Variants in TTC21A observed in about 807,000 individuals in gnomAD.
TTC21A encodes tetratricopeptide repeat domain 21A.
In TTC21A, 128 loss-of-function variants were observed where a neutral mutation model predicts 156.4. The ratio of observed to expected loss-of-function variants is 0.82; its 90% CI spans 0.71 to 0.95. The LOEUF is 0.95. Among genes scored for constraint, TTC21A ranks in the 40% least tolerant of loss-of-function variants. TTC21A has a pLI of 0.00. For missense variants in TTC21A, 1,435 were observed against 1,602.3 expected (o/e 0.90, Z 1.78); for synonymous variants, 587 against 617.1 (o/e 0.95, Z 0.72).
rs777495928 is a variant in TTC21A, at chr3:39,136,368, G to A, written c.2956G>A (p.Val986Ile). ...VLEKAPDNFL[V>I]LHKLIDLLRR... ...GTCTCTTATTTTAGACAATTTTTTGGTATTGCATAAATTAATCGATCTGCT... is the reference window on the plus strand; with the variant it reads ...GTCTCTTATTTTAGACAATTTTTTGATATTGCATAAATTAATCGATCTGCT... The change falls in exon 23 of 29, where the codon GTA (valine) becomes ATA (isoleucine). Residue 986 changes from valine (V) to isoleucine (I), a missense_variant. Val to Ile is a conservative substitution (Grantham distance 29). Transcript: ENST00000683103. 2.0e-5 allele frequency: 33 copies of A among 1,611,486 alleles called. No individual in the cohort carries two copies. The highest frequency in any genetic ancestry group is 6.7e-5 in the East Asian group (3 of 44,858).
Position 39,128,488 on chromosome 3 carries a change from G to A in TTC21A, c.1680G>A (p.Gln560=), listed in dbSNP as rs2038447715. ...CLELGVSHNF[Q]VRDHPLYHLI... is the part of the protein sequence containing the mutation. The stretch of plus-strand genomic sequence containing the variant: ...AGCTGGGTGTCAGCCACAACTTCCA[G>A]GTGGGTGCCCTCTCATCCTCTCAGC... The change falls in exon 13 of 29, where the codon CAG becomes CAA. Residue 560 remains glutamine, a splice_region_variant and synonymous_variant. Transcript: ENST00000683103. 6.2e-7 allele frequency: 1 copy of A among 1,613,976 alleles called. No homozygotes were observed. The highest frequency in any genetic ancestry group is 1.1e-5 in the South Asian group (1 of 91,084).
Position 39,109,186 on chromosome 3 carries a change from C to T in TTC21A, c.129C>T (p.Phe43=). ...TCAGCAATGACCCTGTGTTGAAGTT[C>T]TTTAAAGCCTATGGAGTCCTCAAAG... The part of the protein sequence containing the change: ...EKFSNDPVLK[F]FKAYGVLKEE... The change falls in exon 2 of 29, where the codon TTC becomes TTT. Residue 43 remains phenylalanine, a synonymous_variant. Transcript: ENST00000683103. 6.2e-7 allele frequency: 1 copy of T among 1,614,108 alleles called. No individual in the cohort carries two copies. The highest frequency in any genetic ancestry group is 8.5e-7 in the Non-Finnish European group (1 of 1,179,984).
intron 6 of TTC21A, among the ~76,000 whole-genome samples, chr3:39,115,967 G>A (rs944492942): frequency 3.4e-4 from 51 of 152,234 alleles, no homozygotes; most frequent in African/African-American, 1.2e-3. Flanking sequence ...CCTGCCCAGC[G>A]CCACACATGT....
At chr3:39,125,640 T>C (rs1386064955) in intron 11 of TTC21A, 108 bp downstream of exon 11, 3 of 843,754 alleles carry the variant, frequency 3.6e-6, no homozygotes, top group Admixed American at 1.8e-5. Flanking sequence ...CAAGTAAGGA[T>C]GGGGTGAGCC....
intron 12 of TTC21A, 51 bp from the exon 13 acceptor site, chr3:39,128,280 C>T: frequency 6.3e-7 from 1 of 1,592,078 alleles, no homozygotes; most frequent in Admixed American, 1.7e-5. Context: ...CATATCAGGT[C>T]TTAGGAGCCC....
chr3:39,126,978 G>A (rs535110917), intron 12 of TTC21A, among the ~76,000 whole-genome samples: 44 of 152,340 alleles, frequency 2.9e-4, no homozygotes, highest in Non-Finnish European at 3.1e-4. Context: ...AAACAGGGAA[G>A]TGATGCAGGG....
chr3:39,114,970 G>T (rs1444571665), intron 6 of TTC21A, among the ~76,000 whole-genome samples: 2 of 152,186 alleles, frequency 1.3e-5, no homozygotes, highest in Admixed American at 6.5e-5. Flanking sequence ...GCTAAATCAA[G>T]AAACAGAGGG....
At chr3:39,131,195 C>A in intron 19 of TTC21A, 100 bp downstream of exon 19, 1 of 945,490 alleles carries the variant, frequency 1.1e-6, no homozygotes. Flanking sequence ...CCCCAGACCT[C>A]TTCCTTAAAA....
intron 12 of TTC21A, 76 bp downstream of exon 12, chr3:39,126,466 C>T: frequency 8.5e-7 from 1 of 1,180,184 alleles, no homozygotes; most frequent in Admixed American, 1.8e-5. Flanking sequence ...GGCTCCTTGC[C>T]TAGGATACTA....
In TTC21A at chr3:39,107,724, A is replaced by C. The variant is rs904541478; in HGVS notation, c.-114A>C. The C allele has an allele frequency of 8.1e-6, 12 of 1,489,724 alleles. No homozygotes were observed. The highest frequency in any genetic ancestry group is 1.0e-5 in the Non-Finnish European group (11 of 1,079,188). 92.3% of individuals were successfully genotyped at this position (1,489,724 alleles called of 1,614,324 possible). A position where few individuals can be genotyped will look rare whatever the true frequency, so the allele number is the denominator to read the frequency against. On this transcript the variant is annotated 5_prime_UTR_variant, in exon 1 of 29. Transcript: ENST00000683103. ...CAACCGGCTAGCAGCTCGGTTTCCA[A>C]GGACTGTAACGCCTTCAACCGCCCG... is the stretch of plus-strand genomic sequence containing the variant.
rs966401701 is a variant in TTC21A at position 39,114,663 on chromosome 3, T to C, written c.637T>C (p.Phe213Leu). 6.2e-7 allele frequency: 1 copy of C among 1,614,216 alleles called. No homozygotes were observed. The highest frequency in any genetic ancestry group is 2.2e-5 in the East Asian group (1 of 44,888). ...VNQITVTSGS[F>L]LPALVLKMQL... The stretch of plus-strand genomic sequence containing the variant: ...CCAGATCACTGTGACTTCAGGGAGC[T>C]TCCTGCCAGCCCTCGTCCTGAAGAT... Residue 213 changes from phenylalanine to leucine, a missense_variant, in exon 6 of 29, where the codon TTC becomes CTC. Coordinates refer to ENST00000683103, the MANE Select transcript of TTC21A (RefSeq NM_001366900.1).
Position 39,130,486 on chromosome 3 carries a change from A to G in TTC21A, c.2319+128A>G. ...GACTTTTCACTCAGCTCCTTGCTGA[A>G]TGGGGTGCCAAGGGGAGAACTCAGC... On this transcript the variant is annotated intron_variant, in intron 17 of 28. Coordinates refer to ENST00000683103, the MANE Select transcript of TTC21A (RefSeq NM_001366900.1). The surrounding 1 kb of genome is among the most constrained non-coding windows in gnomAD (Gnocchi z 4.5). 1.1e-6 allele frequency: 1 copy of G among 935,046 alleles called. No individual in the cohort carries two copies. The highest frequency in any genetic ancestry group is 1.6e-6 in the Non-Finnish European group (1 of 622,482). The allele number at this position is 935,046 out of a possible 1,614,324, so 57.9% of individuals were successfully genotyped here. A position where few individuals can be genotyped will look rare whatever the true frequency, so the allele number is the denominator to read the frequency against.
intron 2 of TTC21A, among the ~76,000 whole-genome samples, 198 bp downstream of exon 2, chr3:39,109,412 G>A (rs144395204): frequency 5.4e-4 from 82 of 152,330 alleles, no homozygotes; most frequent in African/African-American, 1.9e-3. Context: ...TCAGAGCGCT[G>A]ACTATCCCTG....
chr3:39,123,200 T>C (rs929297696), intron 9 of TTC21A, among the ~76,000 whole-genome samples: 1 of 152,146 alleles, frequency 6.6e-6, no homozygotes, highest in Non-Finnish European at 1.5e-5. Flanking sequence ...AAAAATATTA[T>C]TGTAAGGTAA....
intron 19 of TTC21A, chr3:39,131,461 A>ATAAGCAT (rs1216007935): frequency 5.7e-6 from 1 of 174,806 alleles, no homozygotes; most frequent in Non-Finnish European, 1.2e-5. Flanking sequence ...GCCCTTTGTA[A>ATAAGCAT]TAAGCATTGT....
Position 39,138,253 on chromosome 3 carries a change from G to C in TTC21A, c.3676-14G>C. On this transcript the variant is annotated splice_polypyrimidine_tract_variant and intron_variant, in intron 26 of 28. Transcript: ENST00000683103. ...CTTCCGCTCTGCAGAGGCTCTAACT[G>C]GCTTTCCCTGCAGTCCTGCTACAAG... 6.2e-7 allele frequency: 1 copy of C among 1,613,872 alleles called. No homozygotes were observed. Among genetic ancestry groups the C allele is most frequent in the Middle Eastern group, 1.7e-4 (1 of 6,060 alleles).
At chr3:39,125,574 A>G (rs775409127) in intron 11 of TTC21A, 42 bp downstream of exon 11, 2 of 1,435,148 alleles carry the variant, frequency 1.4e-6, no homozygotes, top group East Asian at 2.3e-5. Context: ...TCTGGAGTAC[A>G]GGTTTGGATG....
At chr3:39,136,238 G>A in intron 22 of TTC21A, 119 bp from the exon 23 acceptor site, 1 of 1,026,318 alleles carries the variant, frequency 9.7e-7, no homozygotes, top group Non-Finnish European at 1.4e-6. Context: ...GGAGCTGTTG[G>A]AATGTCCCTG....
At chr3:39,114,862 G>A (rs1306555182) in intron 6 of TTC21A, 120 bp downstream of exon 6, 7 of 1,157,002 alleles carry the variant, frequency 6.1e-6, no homozygotes, top group Non-Finnish European at 8.6e-6. Context: ...ACTGGGAATT[G>A]TGCTATGGCC....
Sources: gnomAD v4.1 joint callset for allele counts (sites outside exome capture counted in the v4.1 genomes callset) on GRCh38, gnomAD v4.1.1 for gene constraint, Gnocchi (gnomAD v3.1) non-coding constraint, MANE v1.5 for transcripts, NCBI Gene and HGNC (gene_info 2026-07-23, HGNC 2026-07-21) for gene names.